The following NPC1 variants were observed in gnomAD, a reference collection of about 807,000 sequenced individuals.
NPC1 encodes the protein NPC intracellular cholesterol transporter 1, also known as Niemann-Pick C1 protein.
A neutral mutation model predicts 140.4 loss-of-function variants in NPC1; 85 were observed. That is an observed-to-expected ratio of 0.61 (90% CI 0.51 to 0.72). NPC1 has a LOEUF of 0.72. Among genes scored for constraint, NPC1 ranks in the 30% least tolerant of loss-of-function variants. NPC1 has a pLI of 0.00. For synonymous variants in NPC1, 656 were observed against 624.8 expected (o/e 1.05, Z -0.74); for missense variants, 1,504 against 1,623.8 (o/e 0.93, Z 1.27).
downstream of NPC1, among the ~76,000 whole-genome samples, chr18:23,519,594 CAGATGG>C (rs1162292581): frequency 6.6e-6 from 1 of 152,058 alleles, no homozygotes; most frequent in African/African-American, 2.4e-5. Context: ...TTTGGTCTTC[CAGATGG>C]AAATGGGTTT....
At chr18:23,514,827 T>C (rs1266174201) in intron 3 of NPC1, among the ~76,000 whole-genome samples, 1 of 152,162 alleles carries the variant, frequency 6.6e-6, no homozygotes, top group Non-Finnish European at 1.5e-5. Flanking sequence ...ATTATTATAG[T>C]TCTTAAGAAG....
chr18:23,516,262 T>C, intron 3 of NPC1: 1 of 1,560,704 alleles, frequency 6.4e-7, no homozygotes. Context: ...ACACAGGGAA[T>C]GATGAAACAT....
At chr18:23,530,441 G>A, downstream of NPC1, 1 of 1,614,262 alleles carries the variant, frequency 6.2e-7, no homozygotes, top group Non-Finnish European at 8.5e-7. Flanking sequence ...CAAACACCAA[G>A]TGTTAGCTGC....
intron 1 of NPC1, among the ~76,000 whole-genome samples, chr18:23,583,171 G>A (rs901310018): frequency 6.6e-6 from 1 of 151,256 alleles, no homozygotes; most frequent in East Asian, 1.9e-4. Flanking sequence ...GATGATATTG[G>A]AGAGCAACAG....
downstream of NPC1, chr18:23,529,874 G>A: frequency 9.6e-7 from 1 of 1,038,392 alleles, no homozygotes; most frequent in Admixed American, 2.1e-5. Context: ...GAAGTGTAAG[G>A]TCAAGTTGGG....
At chr18:23,549,780 C>T (rs1418483188) in intron 10 of NPC1, among the ~76,000 whole-genome samples, 5 of 136,840 alleles carry the variant, frequency 3.7e-5, no homozygotes, top group African/African-American at 1.4e-4. Context: ...TTGCTCTTGT[C>T]GCCCAGGCTG....
chr18:23,583,521 T>C (rs950368704), intron 1 of NPC1, among the ~76,000 whole-genome samples: 1 of 152,048 alleles, frequency 6.6e-6, no homozygotes, highest in Non-Finnish European at 1.5e-5. Context: ...AGCAAGCAGT[T>C]CAATTTGACT....
At position 23,544,780 on chromosome 18, in the gene NPC1, C is replaced by A. The variant is rs138946913; in HGVS notation, c.1947+180G>T. Reference sequence around the variant, plus strand: ...TATGTGAAATAAACTTTAAGATAAACCAAAAAGTTGGAATGAAGAAAATAG... The same window carrying A: ...TATGTGAAATAAACTTTAAGATAAAACAAAAAGTTGGAATGAAGAAAATAG... On this transcript the variant is annotated intron_variant, in intron 12 of 24. Transcript: ENST00000269228. Among the ~76,000 whole-genome samples, 486 of 152,036 alleles carry A rather than the reference C, an allele frequency of 3.2e-3. 4 individuals carry two copies. The highest frequency in any genetic ancestry group is 0.011 in the African/African-American group (467 of 41,468).
intron 4 of NPC1, among the ~76,000 whole-genome samples, chr18:23,562,823 C>CAAAAAATA (rs1404645278): frequency 2.0e-5 from 3 of 151,346 alleles, no homozygotes; most frequent in African/African-American, 2.4e-5. Flanking sequence ...CCCGTCTCTA[C>CAAAAAATA]AAAAAATAAA....
downstream of NPC1, chr18:23,520,386 G>GAC (rs538013793): frequency 2.4e-3 from 2,986 of 1,255,372 alleles, 6 homozygotes; most frequent in Non-Finnish European, 3.0e-3. Flanking sequence ...TGATCTTTGG[G>GAC]AGTCACGTTA....
chr18:23,586,440 C>CA lies in NPC1; in HGVS notation c.-98dup. 3 of 1,510,758 alleles carry CA rather than the reference C, an allele frequency of 2.0e-6. No individual in the cohort carries two copies. The highest frequency in any genetic ancestry group is 2.6e-6 in the Non-Finnish European group (3 of 1,135,912). 93.6% of individuals were successfully genotyped at this position (1,510,758 alleles called of 1,614,324 possible). A position where few individuals can be genotyped will look rare whatever the true frequency, so the allele number is the denominator to read the frequency against. The stretch of plus-strand genomic sequence containing the variant: ...CCCCGGGCTGTTTCAGCACCCCGCG[C>CA]AGGAGGAGCGGAGGAGCAGGAGCAG... On this transcript the variant is annotated 5_prime_UTR_variant, in exon 1 of 25. Coordinates refer to ENST00000269228, the MANE Select transcript of NPC1 (RefSeq NM_000271.5).
intron 4 of NPC1, among the ~76,000 whole-genome samples, chr18:23,561,763 GA>G (rs1370765693): frequency 1.3e-5 from 2 of 152,112 alleles, no homozygotes; most frequent in East Asian, 1.9e-4. Flanking sequence ...AAACAGACAG[GA>G]AAGGGAAAGG....
At chr18:23,576,252 A>G (rs1455095062) in intron 1 of NPC1, among the ~76,000 whole-genome samples, 3 of 151,422 alleles carry the variant, frequency 2.0e-5, no homozygotes, top group African/African-American at 7.3e-5. Flanking sequence ...AAAACAAACA[A>G]AAACAACAAC....
At chr18:23,576,503 C>T (rs1357251847) in intron 1 of NPC1, 4 of 991,886 alleles carry the variant, frequency 4.0e-6, no homozygotes, top group Non-Finnish European at 4.8e-6. Context: ...GTGTCCTAGG[C>T]TTAGGCACTA....
chr18:23,548,976 A>G (rs977000542), intron 10 of NPC1, among the ~76,000 whole-genome samples: 6 of 151,990 alleles, frequency 3.9e-5, no homozygotes, highest in African/African-American at 1.5e-4. Context: ...TTATGTAGAG[A>G]TGGGATTTTG....
chr18:23,577,166 G>T (rs1204601279), intron 1 of NPC1, among the ~76,000 whole-genome samples: 1 of 126,804 alleles, frequency 7.9e-6, no homozygotes, highest in Non-Finnish European at 1.8e-5. Context: ...GCTAGATACA[G>T]AGTGTCGACT....
intron 13 of NPC1, 72 bp downstream of exon 13, chr18:23,544,272 G>C (rs568098928): frequency 7.0e-7 from 1 of 1,432,746 alleles, no homozygotes; most frequent in Non-Finnish European, 9.8e-7. Flanking sequence ...TCACGAATGC[G>C]GAGCCCAGGA....
chr18:23,555,683 C>A (rs1021547355), intron 8 of NPC1, among the ~76,000 whole-genome samples: 1 of 152,216 alleles, frequency 6.6e-6, no homozygotes, highest in African/African-American at 2.4e-5. Context: ...GGAAGGTTTA[C>A]ATGCCTTTCT....
chr18:23,550,440 T>A (rs572096249), intron 10 of NPC1, among the ~76,000 whole-genome samples: 3 of 151,134 alleles, frequency 2.0e-5, no homozygotes, highest in Admixed American at 2.0e-4. Flanking sequence ...AAATTATTTT[T>A]AAAAATGCCT....
Sources: allele counts gnomAD v4.1 joint callset (sites outside exome capture counted in the v4.1 genomes callset), GRCh38; gene constraint gnomAD v4.1.1; transcripts MANE v1.5; gene names NCBI Gene and HGNC (gene_info 2026-07-23, HGNC 2026-07-21).